Variants in AGBL4 observed in about 807,000 individuals in gnomAD.
AGBL4 encodes the protein cytosolic carboxypeptidase 6.
A neutral mutation model predicts 66.4 loss-of-function variants in AGBL4; 58 were observed. That is an observed-to-expected ratio of 0.87 (90% CI 0.71 to 1.09). The LOEUF is 1.09. AGBL4 is among the 50% of genes least tolerant of loss of function. The pLI is 0.00. For synonymous variants in AGBL4, 234 were observed against 222.9 expected (o/e 1.05, Z -0.44); for missense variants, 579 against 631.0 (o/e 0.92, Z 0.88).
intron 5 of AGBL4, among the ~76,000 whole-genome samples, chr1:48,874,198 A>G (rs1176449815): frequency 6.6e-6 from 1 of 152,144 alleles, no homozygotes; most frequent in Non-Finnish European, 1.5e-5. Flanking sequence ...ATAAGCACAC[A>G]TTTGGCTTCA....
At chr1:48,876,305 C>T (rs1268646081) in intron 5 of AGBL4, among the ~76,000 whole-genome samples, 1 of 152,082 alleles carries the variant, frequency 6.6e-6, no homozygotes, top group African/African-American at 2.4e-5. Flanking sequence ...CTTACTCCTG[C>T]TGGAGAGAAA....
intron 6 of AGBL4, among the ~76,000 whole-genome samples, chr1:48,768,263 T>C (rs1644630981): frequency 6.6e-6 from 1 of 152,142 alleles, no homozygotes; most frequent in East Asian, 1.9e-4. Context: ...CTGTGATGAA[T>C]TCCCAAGTTG....
chr1:48,554,121 G>C (rs2803267), intron 11 of AGBL4, among the ~76,000 whole-genome samples: 64,845 of 151,996 alleles, frequency 0.43, 16,098 homozygotes, highest in Non-Finnish European at 0.57. Context: ...CCTGGGCTCA[G>C]AACTTAAAAG....
At chr1:49,157,749 C>T (rs1287020516) in intron 4 of AGBL4, among the ~76,000 whole-genome samples, 1 of 152,166 alleles carries the variant, frequency 6.6e-6, no homozygotes, top group East Asian at 1.9e-4. Context: ...TCTGTTGTTT[C>T]CTGTCTTTTA....
intron 3 of AGBL4, among the ~76,000 whole-genome samples, chr1:49,593,654 T>C (rs1644797414): frequency 1.3e-5 from 2 of 152,212 alleles, no homozygotes; most frequent in Admixed American, 1.3e-4. Context: ...CTACTTATTG[T>C]CTTGCTTGGG....
At chr1:48,999,540 T>G (rs1454969303) in intron 5 of AGBL4, among the ~76,000 whole-genome samples, 1 of 152,140 alleles carries the variant, frequency 6.6e-6, no homozygotes, top group African/African-American at 2.4e-5. Context: ...GTGAAAGGAA[T>G]GCACTTGGCA....
chr1:49,379,402 C>A (rs1644543564), intron 3 of AGBL4, among the ~76,000 whole-genome samples: 1 of 152,132 alleles, frequency 6.6e-6, no homozygotes, highest in South Asian at 2.1e-4. Flanking sequence ...GAATGGGAAT[C>A]CATGCCCGTT....
At chr1:49,748,941 C>A (rs200280122) in intron 2 of AGBL4, among the ~76,000 whole-genome samples, 37 of 152,116 alleles carry the variant, frequency 2.4e-4, no homozygotes, top group African/African-American at 8.7e-4. Flanking sequence ...CAAAAATTTT[C>A]TCCCATTCTA....
intron 5 of AGBL4, among the ~76,000 whole-genome samples, chr1:48,997,648 G>A (rs1661114953): frequency 6.6e-6 from 1 of 152,166 alleles, no homozygotes; most frequent in African/African-American, 2.4e-5. Flanking sequence ...TCCTGGGTCT[G>A]TCAGTTACCA....
intron 5 of AGBL4, among the ~76,000 whole-genome samples, chr1:48,981,881 G>A (rs534467905): frequency 4.9e-4 from 75 of 152,278 alleles, no homozygotes; most frequent in African/African-American, 1.2e-3. Flanking sequence ...GGACAAGAGC[G>A]AAACTCCGTC....
At chr1:49,366,158 C>CA (rs999162266) in intron 3 of AGBL4, among the ~76,000 whole-genome samples, 17 of 150,576 alleles carry the variant, frequency 1.1e-4, no homozygotes, top group South Asian at 2.1e-4. Context: ...CCTCATTCTT[C>CA]AAAAAAAAAG....
chr1:49,258,585 G>C (rs1185083623), intron 3 of AGBL4, among the ~76,000 whole-genome samples: 3 of 152,152 alleles, frequency 2.0e-5, no homozygotes, highest in African/African-American at 7.2e-5. Context: ...ATGAAATGAA[G>C]TGAGAAGGGA....
chr1:49,908,187 C>A (rs1049705285), intron 1 of AGBL4, among the ~76,000 whole-genome samples: 1 of 151,274 alleles, frequency 6.6e-6, no homozygotes, highest in Non-Finnish European at 1.5e-5. Flanking sequence ...CCAGCCTGGG[C>A]AAAATAAATG....
intron 3 of AGBL4, among the ~76,000 whole-genome samples, chr1:49,389,551 T>C (rs1344994954): frequency 6.6e-6 from 1 of 152,170 alleles, no homozygotes; most frequent in Non-Finnish European, 1.5e-5. Context: ...ACACTGCCTG[T>C]CCTCTCAAGC....
chr1:48,715,758 A>C (rs1647040111), intron 6 of AGBL4, among the ~76,000 whole-genome samples: 1 of 152,198 alleles, frequency 6.6e-6, no homozygotes, highest in Non-Finnish European at 1.5e-5. Flanking sequence ...TAAATATAGC[A>C]TATAGAATGT....
At chr1:48,689,578 T>C (rs1315839451) in intron 6 of AGBL4, among the ~76,000 whole-genome samples, 2 of 152,014 alleles carry the variant, frequency 1.3e-5, no homozygotes, top group African/African-American at 4.8e-5. Context: ...TAATCTTCAA[T>C]GAAGAGGGTA....
At chr1:49,538,197 C>T (rs1651752724) in intron 3 of AGBL4, among the ~76,000 whole-genome samples, 1 of 152,044 alleles carries the variant, frequency 6.6e-6, no homozygotes. Context: ...GTGGAACCAC[C>T]CTAAGTGTGA....
chr1:49,656,130 G>T (rs1301331825), intron 3 of AGBL4, among the ~76,000 whole-genome samples: 2 of 150,876 alleles, frequency 1.3e-5, no homozygotes, highest in Non-Finnish European at 2.9e-5. Flanking sequence ...CTGGGCGACA[G>T]AGTGAGACTC....
intron 2 of AGBL4, among the ~76,000 whole-genome samples, chr1:49,783,745 T>A (rs927778115): frequency 1.3e-5 from 2 of 151,938 alleles, no homozygotes; most frequent in African/African-American, 4.8e-5. Flanking sequence ...ATACTATATA[T>A]AGAAAATCCT....
Sources: allele counts gnomAD v4.1 joint callset (sites outside exome capture counted in the v4.1 genomes callset), GRCh38; gene constraint gnomAD v4.1.1; transcripts MANE v1.5; gene names NCBI Gene and HGNC (gene_info 2026-07-23, HGNC 2026-07-21).